Variants in GCC2 observed in about 807,000 individuals in gnomAD.
The protein encoded by GCC2 is GRIP and coiled-coil domain containing 2, also known as GRIP and coiled-coil domain-containing protein 2.
A neutral mutation model predicts 210.6 loss-of-function variants in GCC2; 120 were observed. The ratio of observed to expected loss-of-function variants is 0.57; its 90% CI spans 0.49 to 0.66. The LOEUF (loss-of-function observed/expected upper bound fraction) is 0.66, where lower values mean the gene tolerates loss of function less well. GCC2 is among the 30% of genes least tolerant of loss of function. The pLI is 0.00. For missense variants in GCC2, 1,868 were observed against 1,871.9 expected, an observed-to-expected ratio of 1.00 and a Z score of 0.04; for synonymous variants, 703 against 652.7, an observed-to-expected ratio of 1.08 and a Z score of -1.17.
rs772987604 is a variant in GCC2 at position 108,470,688 on chromosome 2, A to G, written c.1359A>G (p.Leu453=). The change falls in exon 6 of 23, where the codon TTA becomes TTG. Residue 453 remains leucine, a synonymous_variant. Transcript: ENST00000309863. ...TGTCAGATTCAGAAAAAGAAAAATT[A>G]ACATTAATGTTTGAAATACAGGGTC... ...TFLSDSEKEK[L]TLMFEIQGLK... The G allele has an allele frequency of 6.2e-7, 1 of 1,609,376 alleles. No individual in the cohort carries two copies.
rs544110704 is a variant in GCC2, at chr2:108,449,265, G to A, written c.-10G>A. 2.1e-5 allele frequency: 33 copies of A among 1,549,486 alleles called. 2 individuals are homozygous for A. In the South Asian group the frequency reaches 3.9e-4, roughly 18 times the overall value. On this transcript the variant is annotated 5_prime_UTR_variant, in exon 1 of 23. Coordinates refer to ENST00000309863, the MANE Select transcript of GCC2 (RefSeq NM_181453.4). Reference sequence around the variant, plus strand: ...GCGGCTGGTTGCGGGCCGGCGGCGGGCTGGCGGAGATGGAGGTAACTCAGG... The same window carrying A: ...GCGGCTGGTTGCGGGCCGGCGGCGGACTGGCGGAGATGGAGGTAACTCAGG...
intron 9 of GCC2, among the ~76,000 whole-genome samples, chr2:108,480,758 AG>A (rs35817047): frequency 0.6 from 90,877 of 151,882 alleles, 27,908 homozygotes; most frequent in East Asian, 0.96. Context: ...CAGAAGGTGG[AG>A]GGGTAGGAGG....
chr2:108,475,777 A>C lies in GCC2; in HGVS notation c.2987A>C (p.Glu996Ala). The C allele has an allele frequency of 6.2e-7, 1 of 1,606,082 alleles. No homozygotes were observed. The highest frequency in any genetic ancestry group is 8.5e-7 in the Non-Finnish European group (1 of 1,176,172). The change falls in exon 9 of 23, where the codon GAA (glutamate) becomes GCA (alanine). Residue 996 changes from glutamate to alanine, a missense_variant. Coordinates refer to ENST00000309863, the MANE Select transcript of GCC2 (RefSeq NM_181453.4). ...KETQTVKEEL[E>A]SLRSEKDQLS... The stretch of plus-strand genomic sequence containing the variant: ...ACCCAGACTGTGAAGGAAGAACTTG[A>C]ATCTCTTCGATCAGAAAAGGACCAG...
Position 108,497,700 on chromosome 2 carries a change from A to G in GCC2, c.4782+591A>G, listed in dbSNP as rs567102830. On this transcript the variant is annotated intron_variant, in intron 21 of 22. Coordinates refer to ENST00000309863, the MANE Select transcript of GCC2 (RefSeq NM_181453.4). ...TTTAAAGTAGACACCAGAAACATCT[A>G]GGAATGTTGCAGAACAGTTGAGGAT... 9.9e-5 allele frequency among the ~76,000 whole-genome samples: 15 copies of G among 152,264 alleles called. No homozygotes were observed. The East Asian group carries it at 2.5e-3, about 25-fold the overall frequency.
At chr2:108,477,954 G>A (rs1221335115) in intron 9 of GCC2, among the ~76,000 whole-genome samples, 3 of 152,188 alleles carry the variant, frequency 2.0e-5, no homozygotes, top group Non-Finnish European at 4.4e-5. Flanking sequence ...GCCGAGGCAC[G>A]AGAATCACTT....
intron 12 of GCC2, among the ~76,000 whole-genome samples, 164 bp from the exon 13 acceptor site, chr2:108,483,985 A>G (rs1412304630): frequency 6.6e-6 from 1 of 152,208 alleles, no homozygotes; most frequent in African/African-American, 2.4e-5. Flanking sequence ...AGTAGAAAAT[A>G]TCCAACTCCT....
rs188557839 is a variant in GCC2 at position 108,501,517 on chromosome 2, C to G, written c.4984+1763C>G. Among the ~76,000 whole-genome samples, 451 of 151,996 alleles carry G rather than the reference C, an allele frequency of 3.0e-3. 1 individual carries two copies. Among genetic ancestry groups the G allele is most frequent in the Middle Eastern group, 0.02 (6 of 294 alleles). On this transcript the variant is annotated intron_variant, in intron 22 of 22. Coordinates refer to ENST00000309863, the MANE Select transcript of GCC2 (RefSeq NM_181453.4). ...TGGTATTGTGTGCTTTCTAAGACAT[C>G]AAGAGGCCCAGAATGTCCAGACATC...
At chr2:108,468,475 T>C (rs946015003) in intron 4 of GCC2, among the ~76,000 whole-genome samples, 1 of 151,938 alleles carries the variant, frequency 6.6e-6, no homozygotes, top group African/African-American at 2.4e-5. Flanking sequence ...GAGCTGACTC[T>C]TGGCTTATTG....
At chr2:108,473,559 A>G (rs1254903959) in intron 7 of GCC2, among the ~76,000 whole-genome samples, 1 of 152,160 alleles carries the variant, frequency 6.6e-6, no homozygotes, top group Admixed American at 6.5e-5. Flanking sequence ...TCCTCACAGT[A>G]ACATTATAGG....
At chr2:108,475,388 T>C (rs1681455406) in intron 7 of GCC2, 147 bp from the exon 8 acceptor site, 1 of 474,612 alleles carries the variant, frequency 2.1e-6, no homozygotes, top group Non-Finnish European at 3.7e-6. Context: ...AATTCCACTT[T>C]AAAAAATGAT....
rs1001445630 is a variant in GCC2 at position 108,467,481 on chromosome 2, AT to A, written c.217-1492del. 2.6e-5 allele frequency among the ~76,000 whole-genome samples: 4 copies of A among 152,010 alleles called. No homozygotes were observed. In the East Asian group the frequency reaches 7.7e-4, roughly 29 times the overall value. On this transcript the variant is annotated intron_variant, in intron 4 of 22. Coordinates refer to ENST00000309863, the MANE Select transcript of GCC2 (RefSeq NM_181453.4). ...TTTTAATCTTTATGCCTCATGTCTT[AT>A]TTTTTTATTTATTTTTGAGACAGAG...
At chr2:108,453,675 C>T (rs1023134447) in intron 4 of GCC2, among the ~76,000 whole-genome samples, 1 of 151,910 alleles carries the variant, frequency 6.6e-6, no homozygotes. Context: ...ATCCCAACTA[C>T]TCAGGAGGCT....
intron 4 of GCC2, among the ~76,000 whole-genome samples, chr2:108,460,754 T>C (rs1680526001): frequency 6.6e-6 from 1 of 152,226 alleles, no homozygotes; most frequent in Non-Finnish European, 1.5e-5. Flanking sequence ...CCAAATTTCA[T>C]GTCAAATTGT....
At chr2:108,507,483 T>C (rs571031862) in intron 22 of GCC2, 77 bp from the exon 23 acceptor site, 24 of 1,214,488 alleles carry the variant, frequency 2.0e-5, no homozygotes, top group South Asian at 8.0e-5. Flanking sequence ...TTCTAAAATA[T>C]AGATTTTACA....
At chr2:108,487,858 C>A in intron 17 of GCC2, 38 bp downstream of exon 17, 1 of 1,565,766 alleles carries the variant, frequency 6.4e-7, no homozygotes, top group Admixed American at 1.8e-5. Context: ...TTTCCTCCCA[C>A]AATGCAGGTT....
chr2:108,507,683 G>T lies in GCC2; in HGVS notation c.*53G>T. On this transcript the variant is annotated 3_prime_UTR_variant, in exon 23 of 23. Coordinates refer to ENST00000309863, the MANE Select transcript of GCC2 (RefSeq NM_181453.4). ...CAAATAGAATCTATTTACAAAAATGGTTCACGTATATTACCACAATTCTTT... is the reference window on the plus strand; with the variant it reads ...CAAATAGAATCTATTTACAAAAATGTTTCACGTATATTACCACAATTCTTT... 7.9e-7 allele frequency: 1 copy of T among 1,270,042 alleles called. No individual in the cohort carries two copies. The highest frequency in any genetic ancestry group is 1.1e-6 in the Non-Finnish European group (1 of 886,434). 78.7% of individuals were successfully genotyped at this position (1,270,042 alleles called of 1,614,324 possible).
At chr2:108,473,426 G>A (rs1292400451) in intron 7 of GCC2, 1 of 152,548 alleles carries the variant, frequency 6.6e-6, no homozygotes. Flanking sequence ...GGTGCTTGTA[G>A]GTTGACATAT....
Position 108,472,096 on chromosome 2 carries a change from G to A in GCC2, c.2767G>A (p.Ala923Thr), listed in dbSNP as rs902683816. Residue 923 changes from alanine to threonine, a missense_variant, in exon 6 of 23, where the codon GCA becomes ACA. Ala to Thr is a moderately conservative substitution (Grantham distance 58). Transcript: ENST00000309863. Reference protein sequence around the residue: ...LEQKELRDRRAELILLKDSLA... With the variant: ...LEQKELRDRRTELILLKDSLA... ...ACAAAAAGAATTACGAGATAGGAGA[G>A]CAGAGTTGATACTATTAAAGGTACC... 2 of 1,548,532 alleles carry A rather than the reference G, an allele frequency of 1.3e-6. No individual in the cohort carries two copies. The highest frequency in any genetic ancestry group is 2.8e-5 in the African/African-American group (2 of 71,980).
At chr2:108,506,892 T>C (rs1683217284) in intron 22 of GCC2, among the ~76,000 whole-genome samples, 1 of 152,146 alleles carries the variant, frequency 6.6e-6, no homozygotes. Context: ...ATTTCTTATG[T>C]GCTGGTAGGA....
Sources: allele counts gnomAD v4.1 joint callset (sites outside exome capture counted in the v4.1 genomes callset), GRCh38; gene constraint gnomAD v4.1.1; transcripts MANE v1.5; gene names NCBI Gene and HGNC (gene_info 2026-07-23, HGNC 2026-07-21).